The following OAS1 variants were observed in gnomAD, a reference collection of about 807,000 sequenced individuals.
OAS1 encodes 2'-5'-oligoadenylate synthetase 1.
A neutral mutation model predicts 38.5 loss-of-function variants in OAS1; 24 were observed. The ratio of observed to expected loss-of-function variants is 0.62; its 90% CI spans 0.45 to 0.88. OAS1 has a LOEUF of 0.88. Among genes scored for constraint, OAS1 ranks in the 40% least tolerant of loss-of-function variants. OAS1 has a pLI of 0.00. For missense variants in OAS1, 482 were observed against 493.9 expected (o/e 0.98, Z 0.23); for synonymous variants, 169 against 193.9 (o/e 0.87, Z 1.07).
downstream of OAS1, among the ~76,000 whole-genome samples, chr12:112,924,470 A>ATG (rs1303642382): frequency 6.6e-6 from 1 of 151,468 alleles, no homozygotes; most frequent in African/African-American, 2.4e-5. Flanking sequence ...TATATTTTAT[A>ATG]TATATATCTA....
intron 6 of OAS1, among the ~76,000 whole-genome samples, chr12:112,930,248 A>G (rs756840997): frequency 2.0e-5 from 3 of 152,122 alleles, no homozygotes; most frequent in Non-Finnish European, 4.4e-5. Context: ...CGTCAGTACC[A>G]TGCTTCCTGT....
chr12:112,915,593 G>A (rs535079133), intron 3 of OAS1, among the ~76,000 whole-genome samples: 1 of 152,152 alleles, frequency 6.6e-6, no homozygotes, highest in African/African-American at 2.4e-5. Context: ...TCTTGCTTTG[G>A]CTATGTGAGC....
At chr12:112,916,181 A>C (rs2043451500) in intron 3 of OAS1, among the ~76,000 whole-genome samples, 1 of 152,246 alleles carries the variant, frequency 6.6e-6, no homozygotes, top group Non-Finnish European at 1.5e-5. Context: ...ATCTACTTAG[A>C]ATTGGACAAT....
intron 1 of OAS1, chr12:112,907,618 T>C (rs1031504083): frequency 6.1e-5 from 11 of 181,232 alleles, no homozygotes; most frequent in Non-Finnish European, 9.5e-5. Context: ...TAGCACCTGC[T>C]GGCTGCAAGA....
chr12:112,917,042 G>A lies in OAS1; in HGVS notation c.884+304G>A, dbSNP rs1257265347. ...TGCAGTTTGAACTGAAATAAGAACAGCAGCAACAACAATGATAGTAATTGC... is the reference window on the plus strand; with the variant it reads ...TGCAGTTTGAACTGAAATAAGAACAACAGCAACAACAATGATAGTAATTGC... On this transcript the variant is annotated intron_variant, in intron 4 of 5. Transcript: ENST00000202917. The A allele has an allele frequency of 1.3e-5, 5 of 377,546 alleles. No homozygotes were observed. In the East Asian group the frequency reaches 2.5e-4, roughly 19 times the overall value. The allele number at this position is 377,546 out of a possible 1,614,324, so 23.4% of individuals were successfully genotyped here. A position where few individuals can be genotyped will look rare whatever the true frequency, so the allele number is the denominator to read the frequency against.
chr12:112,908,451 A>T, intron 1 of OAS1, 85 bp from the exon 2 acceptor site: 1 of 1,331,898 alleles, frequency 7.5e-7, no homozygotes, highest in South Asian at 1.4e-5. Flanking sequence ...CTAGTGCTCC[A>T]TAATGTTAGT....
downstream of OAS1, among the ~76,000 whole-genome samples, chr12:112,922,570 T>C (rs1166040772): frequency 1.3e-5 from 2 of 152,134 alleles, no homozygotes; most frequent in African/African-American, 4.8e-5. Flanking sequence ...CCCTTATCAA[T>C]CCAAGCTCTG....
At position 112,908,810 on chromosome 12, in the gene OAS1, C is replaced by A. The variant is rs943909898; in HGVS notation, c.455C>A (p.Ala152Asp). 3.1e-6 allele frequency: 5 copies of A among 1,592,848 alleles called. No homozygotes were observed. The African/African-American group carries it at 6.7e-5, about 21-fold the overall frequency. Residue 152 changes from alanine (A) to aspartate (D), a missense_variant, in exon 2 of 6, where the codon GCC becomes GAC. Transcript: ENST00000202917. The stretch of plus-strand genomic sequence containing the variant: ...GGGGTGGAGTTCGATGTGCTGCCTG[C>A]CTTTGATGCCCTGGGTGAGAGCTCC... ...GEGVEFDVLP[A>D]FDALGQLTGG...
chr12:112,922,962 T>C (rs2043539434), downstream of OAS1, among the ~76,000 whole-genome samples: 1 of 152,204 alleles, frequency 6.6e-6, no homozygotes, highest in Non-Finnish European at 1.5e-5. Context: ...ACTCCTGGCC[T>C]CAAACAATCT....
intron 6 of OAS1, among the ~76,000 whole-genome samples, chr12:112,928,921 G>A (rs1322556177): frequency 6.6e-6 from 1 of 152,182 alleles, no homozygotes; most frequent in Admixed American, 6.5e-5. Context: ...GGGGGAGAGG[G>A]TGTGTTTATG....
chr12:112,914,639 A>G (rs1284122051), intron 3 of OAS1, among the ~76,000 whole-genome samples: 1 of 151,672 alleles, frequency 6.6e-6, no homozygotes. Context: ...CCATTCTTGC[A>G]GGAGTGAGGT....
chr12:112,910,453 ATGGGGGT>A (rs1297869561), intron 2 of OAS1, among the ~76,000 whole-genome samples: 1 of 152,162 alleles, frequency 6.6e-6, no homozygotes. Context: ...ATAGATAGCC[ATGGGGGT>A]TAGGGAGCTT....
chr12:112,910,299 T>C (rs567494381), intron 2 of OAS1, among the ~76,000 whole-genome samples: 1 of 151,684 alleles, frequency 6.6e-6, no homozygotes, highest in East Asian at 1.9e-4. Context: ...ACCCAGGAGA[T>C]GGAGGTTGCA....
rs1471453185 is a variant in OAS1, at chr12:112,908,792, A to T, written c.437A>T (p.Glu146Val). The change falls in exon 2 of 6, where the codon GAG becomes GTG. Residue 146 changes from glutamate (E) to valine (V), a missense_variant. Transcript: ENST00000202917. ...TCGCTCCAGCTCGGGGAGGGGGTGG[A>T]GTTCGATGTGCTGCCTGCCTTTGAT... ...LSSLQLGEGVEFDVLPAFDAL... is the reference protein window; with the variant it reads ...LSSLQLGEGVVFDVLPAFDAL... 3.7e-6 allele frequency: 6 copies of T among 1,605,700 alleles called. No homozygotes were observed. Among genetic ancestry groups the T allele is most frequent in the African/African-American group, 1.3e-5 (1 of 74,770 alleles).
chr12:112,929,909 G>A (rs967020768), intron 6 of OAS1, among the ~76,000 whole-genome samples: 6 of 152,106 alleles, frequency 3.9e-5, no homozygotes, highest in Non-Finnish European at 7.4e-5. Flanking sequence ...TCCCCATTTC[G>A]CAGATGAATA....
intron 2 of OAS1, 67 bp from the exon 3 acceptor site, chr12:112,910,984 C>T (rs962499996): frequency 2.8e-6 from 4 of 1,438,292 alleles, no homozygotes; most frequent in East Asian, 2.3e-5. Flanking sequence ...GGAGATTGTC[C>T]CCTCAGAGTG....
At chr12:112,930,556 C>T (rs1042355908) in intron 6 of OAS1, among the ~76,000 whole-genome samples, 2 of 152,218 alleles carry the variant, frequency 1.3e-5, no homozygotes, top group African/African-American at 2.4e-5. Flanking sequence ...CAAGTCCCTG[C>T]CTGCCCAAGG....
Position 112,907,157 on chromosome 12 carries a change from T to C in OAS1, c.118T>C (p.Phe40Leu). 1.9e-6 allele frequency: 3 copies of C among 1,614,136 alleles called. No individual in the cohort carries two copies. The highest frequency in any genetic ancestry group is 2.5e-6 in the Non-Finnish European group (3 of 1,180,028). The change falls in exon 1 of 6, where the codon TTC becomes CTC. Residue 40 changes from phenylalanine (F) to leucine (L), a missense_variant. Coordinates refer to ENST00000202917, the MANE Select transcript of OAS1 (RefSeq NM_016816.4). ...CCATGCCATTGACATCATCTGTGGG[T>C]TCCTGAAGGAAAGGTGCTTCCGAGG... is the stretch of plus-strand genomic sequence containing the variant. ...INHAIDIICGFLKERCFRGSS... is the reference protein window; with the variant it reads ...INHAIDIICGLLKERCFRGSS...
At chr12:112,932,464 G>A (rs2043603805), downstream of OAS1, 1 of 152,928 alleles carries the variant, frequency 6.5e-6, no homozygotes, top group African/African-American at 2.4e-5. Context: ...TCAATGGCCA[G>A]CCCCTGTAAT....
Sources: allele counts gnomAD v4.1 joint callset (sites outside exome capture counted in the v4.1 genomes callset), GRCh38; gene constraint gnomAD v4.1.1; transcripts MANE v1.5; gene names NCBI Gene and HGNC (gene_info 2026-07-23, HGNC 2026-07-21).